PLCG2: variants seen among roughly 807,000 people sequenced by gnomAD.
The protein encoded by PLCG2 is phospholipase C gamma 2, also known as 1-phosphatidylinositol 4,5-bisphosphate phosphodiesterase gamma-2.
PLCG2 carries 69 observed loss-of-function variants against 175.6 expected under a neutral mutation model. That is an observed-to-expected ratio of 0.39 (90% CI 0.32 to 0.48). PLCG2 has a LOEUF of 0.48. Among genes scored for constraint, PLCG2 ranks in the 20% least tolerant of loss-of-function variants. The pLI is 0.91. For synonymous variants in PLCG2, 827 were observed against 624.0 expected (o/e 1.33, Z -4.85); for missense variants, 1,798 against 1,650.9 (o/e 1.09, Z -1.54).
At chr16:81,770,960 A>G (rs1449553540) in intron 2 of PLCG2, among the ~76,000 whole-genome samples, 1 of 151,712 alleles carries the variant, frequency 6.6e-6, no homozygotes, top group African/African-American at 2.4e-5. Flanking sequence ...CGGGAGGCTG[A>G]GGCAGGAGAA....
At chr16:81,753,034 G>A (rs997605679) in intron 1 of PLCG2, among the ~76,000 whole-genome samples, 1 of 152,224 alleles carries the variant, frequency 6.6e-6, no homozygotes, top group Non-Finnish European at 1.5e-5. Flanking sequence ...AATGGTATGA[G>A]CTACTATTAG....
chr16:81,812,868 G>T (rs1904378071), intron 2 of PLCG2, among the ~76,000 whole-genome samples: 1 of 152,044 alleles, frequency 6.6e-6, no homozygotes, highest in African/African-American at 2.4e-5. Context: ...GTAAGGAAGG[G>T]GTCCAGTTTC....
intron 19 of PLCG2, among the ~76,000 whole-genome samples, chr16:81,915,039 C>G (rs34214092): frequency 0.2 from 30,845 of 152,186 alleles, 3,691 homozygotes; most frequent in South Asian, 0.29. Flanking sequence ...TTCAAACCCT[C>G]TCTGGTCAGG....
At chr16:81,850,904 G>C (rs1906374202) in intron 2 of PLCG2, among the ~76,000 whole-genome samples, 1 of 152,126 alleles carries the variant, frequency 6.6e-6, no homozygotes, top group South Asian at 2.1e-4. Context: ...GATTTAAGAT[G>C]GGGCCCGCTT....
intron 2 of PLCG2, among the ~76,000 whole-genome samples, chr16:81,759,590 T>C (rs530257123): frequency 6.6e-6 from 1 of 152,318 alleles, no homozygotes; most frequent in South Asian, 2.1e-4. Context: ...CCTCCAAAGT[T>C]TCTTTCTAGT....
intron 2 of PLCG2, among the ~76,000 whole-genome samples, chr16:81,830,513 G>C (rs1248675928): frequency 6.6e-6 from 1 of 151,938 alleles, no homozygotes; most frequent in African/African-American, 2.4e-5. Context: ...CACCACGTTG[G>C]CCATGCTGGT....
At chr16:81,742,154 CGGGG>C (rs55847562) in intron 1 of PLCG2, among the ~76,000 whole-genome samples, 4 of 111,496 alleles carry the variant, frequency 3.6e-5, no homozygotes, top group Non-Finnish European at 7.0e-5. Context: ...ATTGTGGGGG[CGGGG>C]GGGGGGGCGG....
chr16:81,860,585 G>T (rs1906932382), intron 5 of PLCG2, among the ~76,000 whole-genome samples: 2 of 152,196 alleles, frequency 1.3e-5, no homozygotes, highest in South Asian at 4.1e-4. Flanking sequence ...AAGTGTTTTT[G>T]CTTAAACTTG....
chr16:81,778,556 A>G (rs529009734), upstream of PLCG2, among the ~76,000 whole-genome samples: 2 of 152,356 alleles, frequency 1.3e-5, no homozygotes, highest in South Asian at 2.1e-4. Context: ...TAAAGAACAT[A>G]TTAGCTTCTT....
At chr16:81,915,945 G>T (rs1439663234) in intron 19 of PLCG2, among the ~76,000 whole-genome samples, 1 of 152,176 alleles carries the variant, frequency 6.6e-6, no homozygotes, top group African/African-American at 2.4e-5. Context: ...AGAGGTCCTG[G>T]TAGAAAGCAC....
At position 81,769,625 on chromosome 16, in the gene PLCG2, TAAA is replaced by T. The variant is rs1287099567; in HGVS notation, c.-48+13664_-48+13666del. ...GTCAGGAGATCGAGACCATCCCGGC[TAAA>T]AAAACGGTGAAACCCCGTCTCTACT... On this transcript the variant is annotated intron_variant, in intron 2 of 5. Coordinates refer to the PLCG2 transcript ENST00000565054. Among the ~76,000 whole-genome samples, 6 of 148,290 alleles carry T rather than the reference TAAA, an allele frequency of 4.0e-5. No individual in the cohort carries two copies. The East Asian group carries it at 5.9e-4, about 15-fold the overall frequency.
intron 2 of PLCG2, among the ~76,000 whole-genome samples, chr16:81,815,217 A>T (rs1026236309): frequency 9.9e-5 from 15 of 152,152 alleles, no homozygotes; most frequent in African/African-American, 3.6e-4. Context: ...GTTTTATTGC[A>T]TATGGGGCCT....
chr16:81,760,848 T>G (rs969330881), intron 2 of PLCG2, among the ~76,000 whole-genome samples: 7 of 152,038 alleles, frequency 4.6e-5, no homozygotes. Flanking sequence ...GAGGCTCATC[T>G]CTGGCTAGGA....
Position 81,825,292 on chromosome 16 carries a change from T to TG in PLCG2, c.194-29152_194-29151insG, listed in dbSNP as rs199958718. ...CTGAAGAGATGCTCTAATTTTTTTT[T>TG]TTTTTTTTTTTTTTGAGACAGAGTC... On this transcript the variant is annotated intron_variant, in intron 2 of 32. Coordinates refer to ENST00000564138, the MANE Select transcript of PLCG2 (RefSeq NM_002661.5). Among the ~76,000 whole-genome samples the TG allele has an allele frequency of 6.7e-3, 979 of 145,198 alleles. 13 individuals are homozygous for TG. Among genetic ancestry groups the TG allele is most frequent in the African/African-American group, 0.021 (822 of 38,940 alleles).
chr16:81,939,031 C>A, intron 29 of PLCG2, 116 bp downstream of exon 29: 1 of 659,186 alleles, frequency 1.5e-6, no homozygotes, highest in South Asian at 1.8e-5. Context: ...GGTTTTCTTT[C>A]CTCCCTCTTG....
intron 10 of PLCG2, among the ~76,000 whole-genome samples, chr16:81,890,296 G>A (rs1908570156): frequency 6.6e-6 from 1 of 152,156 alleles, no homozygotes; most frequent in African/African-American, 2.4e-5. Flanking sequence ...TACAAAGGCA[G>A]TTTATTTTGG....
rs534181375 is a variant in PLCG2 at position 81,852,754 on chromosome 16, G to T, written c.194-1690G>T. ...TATTGCACATATTTCTACAATCTGG[G>T]CATGGGTGGGGACTGGGAGAGCTTG... On this transcript the variant is annotated intron_variant, in intron 2 of 32. Coordinates refer to ENST00000564138, the MANE Select transcript of PLCG2 (RefSeq NM_002661.5). 2.2e-4 allele frequency among the ~76,000 whole-genome samples: 34 copies of T among 152,290 alleles called. No homozygotes were observed. In the South Asian group the frequency reaches 6.6e-3, roughly 30 times the overall value.
At chr16:81,938,520 T>C (rs1267737883) in intron 28 of PLCG2, 1 of 450,726 alleles carries the variant, frequency 2.2e-6, no homozygotes, top group Non-Finnish European at 4.0e-6. Flanking sequence ...AGGCACCTGC[T>C]TGGGCATGGA....
chr16:81,819,279 TC>T (rs1335167574), intron 2 of PLCG2, among the ~76,000 whole-genome samples: 1 of 152,170 alleles, frequency 6.6e-6, no homozygotes, highest in African/African-American at 2.4e-5. Context: ...AGTCAGGACA[TC>T]CTGGGGGTGT....
Sources: gnomAD v4.1 joint callset for allele counts (sites outside exome capture counted in the v4.1 genomes callset) on GRCh38, gnomAD v4.1.1 for gene constraint, MANE v1.5 for transcripts, NCBI Gene and HGNC (gene_info 2026-07-23, HGNC 2026-07-21) for gene names.